EXOC6B: variants seen among roughly 807,000 people sequenced by gnomAD.
The protein encoded by EXOC6B is exocyst complex component 6B, also known as SEC15 homolog B.
EXOC6B carries 54 observed loss-of-function variants against 113.5 expected under a neutral mutation model. The ratio of observed to expected loss-of-function variants is 0.48; its 90% CI spans 0.38 to 0.60. The LOEUF (loss-of-function observed/expected upper bound fraction) is 0.60, where lower values mean the gene tolerates loss of function less well. Ranked by LOEUF, EXOC6B falls within the 20% of genes least tolerant of loss-of-function variation. The probability of loss-of-function intolerance (pLI) is 0.00; values close to 1 mark genes in which losing one functional copy is unlikely to be tolerated. For missense variants in EXOC6B, 797 were observed against 977.5 expected (o/e 0.82, Z 2.46); for synonymous variants, 357 against 339.0 (o/e 1.05, Z -0.58).
At chr2:72,497,846 T>C (rs1018388180) in intron 13 of EXOC6B, among the ~76,000 whole-genome samples, 2 of 152,202 alleles carry the variant, frequency 1.3e-5, no homozygotes, top group Non-Finnish European at 2.9e-5. Flanking sequence ...ACCTGGATTA[T>C]GTGCCAAGAG....
intron 18 of EXOC6B, among the ~76,000 whole-genome samples, chr2:72,387,175 T>C (rs181477182): frequency 1.8e-4 from 27 of 152,316 alleles, no homozygotes; most frequent in Non-Finnish European, 1.5e-5. Flanking sequence ...ATATAACTTA[T>C]ACAATACACC....
chr2:72,311,370 T>A (rs1286094267), intron 20 of EXOC6B, among the ~76,000 whole-genome samples: 1 of 152,186 alleles, frequency 6.6e-6, no homozygotes, highest in Non-Finnish European at 1.5e-5. Flanking sequence ...GGCTGCCAGT[T>A]GAGGATCATT....
At position 72,522,162 on chromosome 2, in the gene EXOC6B, C is replaced by T. The variant is rs114507848; in HGVS notation, c.916-7036G>A. Among the ~76,000 whole-genome samples, 947 of 152,226 alleles carry T rather than the reference C, an allele frequency of 6.2e-3. 9 individuals carry two copies. Among genetic ancestry groups the T allele is most frequent in the Non-Finnish European group, 0.01 (685 of 68,006 alleles). On this transcript the variant is annotated intron_variant, in intron 8 of 21. Coordinates refer to ENST00000272427, the MANE Select transcript of EXOC6B (RefSeq NM_015189.3). ...TAACCACAGCACATATCCTATATTTCCTTAGTGGCCAAACAAGAGAAAAAA... is the reference window on the plus strand; with the variant it reads ...TAACCACAGCACATATCCTATATTTTCTTAGTGGCCAAACAAGAGAAAAAA...
intron 20 of EXOC6B, among the ~76,000 whole-genome samples, chr2:72,217,002 C>T (rs985777284): frequency 4.7e-5 from 7 of 148,424 alleles, no homozygotes; most frequent in East Asian, 2.0e-4. Flanking sequence ...GATCACACCA[C>T]GGCACTCCAT....
intron 18 of EXOC6B, among the ~76,000 whole-genome samples, chr2:72,459,642 T>G (rs1467493707): frequency 2.6e-5 from 4 of 152,034 alleles, no homozygotes; most frequent in African/African-American, 9.7e-5. Flanking sequence ...GGAATCCAAC[T>G]TACAAGGGAT....
rs978662294 is a variant in EXOC6B at position 72,817,164 on chromosome 2, A to T, written c.113+8634T>A. On this transcript the variant is annotated intron_variant, in intron 1 of 21. Transcript: ENST00000272427. ...AAATGTTAAGCTTTATTTATATAACATGCACTCAGATCATAATGCTTTCAT... is the reference window on the plus strand; with the variant it reads ...AAATGTTAAGCTTTATTTATATAACTTGCACTCAGATCATAATGCTTTCAT... Among the ~76,000 whole-genome samples, 3 of 152,206 alleles carry T rather than the reference A, an allele frequency of 2.0e-5. No individual in the cohort carries two copies. In the East Asian group the frequency reaches 5.8e-4, roughly 29 times the overall value.
intron 6 of EXOC6B, among the ~76,000 whole-genome samples, chr2:72,666,977 C>T (rs1020685092): frequency 1.3e-5 from 2 of 152,120 alleles, no homozygotes; most frequent in African/African-American, 4.8e-5. Context: ...ATTCTCCTGC[C>T]TCAGCCTCCC....
chr2:72,286,077 T>C (rs985198535), intron 20 of EXOC6B, among the ~76,000 whole-genome samples: 1 of 152,180 alleles, frequency 6.6e-6, no homozygotes, highest in African/African-American at 2.4e-5. Context: ...GGAAGACAAA[T>C]AGTTTGGTGG....
chr2:72,367,562 G>A (rs1056107379), intron 19 of EXOC6B, among the ~76,000 whole-genome samples: 1 of 151,870 alleles, frequency 6.6e-6, no homozygotes, highest in African/African-American at 2.4e-5. Flanking sequence ...GAAAACCACT[G>A]GCACAAGAAC....
At chr2:72,506,993 C>G (rs1700629412) in intron 11 of EXOC6B, among the ~76,000 whole-genome samples, 1 of 151,898 alleles carries the variant, frequency 6.6e-6, no homozygotes, top group Non-Finnish European at 1.5e-5. Flanking sequence ...GCTAAATTTA[C>G]TAAGTGAAGT....
chr2:72,612,737 ACT>A lies in EXOC6B; in HGVS notation c.670-37071_670-37070del, dbSNP rs1671151929. Among the ~76,000 whole-genome samples, 3 of 152,308 alleles carry A rather than the reference ACT, an allele frequency of 2.0e-5. No individual in the cohort carries two copies. In the South Asian group the frequency reaches 6.2e-4, roughly 32 times the overall value. ...CCTGGGACCCAACTAGCATCATACT[ACT>A]GCTTCATCAGCCCTAGATGACTGCC... On this transcript the variant is annotated intron_variant, in intron 6 of 21. Coordinates refer to ENST00000272427, the MANE Select transcript of EXOC6B (RefSeq NM_015189.3).
intron 1 of EXOC6B, among the ~76,000 whole-genome samples, chr2:72,801,029 A>G (rs1432152574): frequency 1.3e-5 from 2 of 152,216 alleles, no homozygotes; most frequent in Admixed American, 1.3e-4. Flanking sequence ...ATTAAAGTGC[A>G]TTACAGTGCT....
At chr2:72,211,962 T>A (rs1281164987) in intron 20 of EXOC6B, among the ~76,000 whole-genome samples, 1 of 152,040 alleles carries the variant, frequency 6.6e-6, no homozygotes, top group East Asian at 1.9e-4. Flanking sequence ...CTCACTGCTC[T>A]AATGAGCCAT....
At position 72,178,778 on chromosome 2, in the gene EXOC6B, A is replaced by G. The variant is rs2104183328; in HGVS notation, c.*557T>C. 6.6e-6 allele frequency: 1 copy of G among 152,506 alleles called. No individual in the cohort carries two copies. The highest frequency in any genetic ancestry group is 2.4e-5 in the African/African-American group (1 of 41,572). 9.4% of individuals were successfully genotyped at this position (152,506 alleles called of 1,614,324 possible). A position where few individuals can be genotyped will look rare whatever the true frequency, so the allele number is the denominator to read the frequency against. The stretch of plus-strand genomic sequence containing the variant: ...ATTGGAATGAAGCTGTCATCTTGCC[A>G]TATGCCATGCTTGTTCACAAGCCAG... On this transcript the variant is annotated 3_prime_UTR_variant, in exon 22 of 22. Transcript: ENST00000272427.
At chr2:72,252,807 C>T (rs902749340) in intron 20 of EXOC6B, among the ~76,000 whole-genome samples, 1 of 152,148 alleles carries the variant, frequency 6.6e-6, no homozygotes, top group African/African-American at 2.4e-5. Flanking sequence ...GTGCCCCAGC[C>T]CTCAGCATCA....
At position 72,551,037 on chromosome 2, in the gene EXOC6B, T is replaced by C. The variant is rs544585238; in HGVS notation, c.915+8416A>G. 6.6e-5 allele frequency among the ~76,000 whole-genome samples: 10 copies of C among 151,952 alleles called. No individual in the cohort carries two copies. In the South Asian group the frequency reaches 1.9e-3, roughly 28 times the overall value. Reference sequence around the variant, plus strand: ...CAATTATGCATGCAAGTGACTGAGTTAGGCACTATTTATTCAATTTATTAA... The same window carrying C: ...CAATTATGCATGCAAGTGACTGAGTCAGGCACTATTTATTCAATTTATTAA... On this transcript the variant is annotated intron_variant, in intron 8 of 21. Transcript: ENST00000272427.
intron 1 of EXOC6B, among the ~76,000 whole-genome samples, chr2:72,761,552 A>C (rs114819227): frequency 0.016 from 2,476 of 152,272 alleles, 91 homozygotes; most frequent in African/African-American, 0.057. Context: ...AGATCAAACT[A>C]AAATAGACTT....
intron 20 of EXOC6B, among the ~76,000 whole-genome samples, chr2:72,306,857 G>C (rs1003651311): frequency 6.6e-6 from 1 of 152,124 alleles, no homozygotes; most frequent in Admixed American, 6.5e-5. Flanking sequence ...CTAATTACTA[G>C]TCATACATTT....
intron 18 of EXOC6B, among the ~76,000 whole-genome samples, chr2:72,455,937 A>C (rs1347050351): frequency 1.3e-5 from 2 of 152,076 alleles, no homozygotes; most frequent in East Asian, 3.9e-4. Flanking sequence ...AGACAGCTTG[A>C]TATAGTGAAA....
Sources: allele counts gnomAD v4.1 joint callset (sites outside exome capture counted in the v4.1 genomes callset), GRCh38; gene constraint gnomAD v4.1.1; transcripts MANE v1.5; gene names NCBI Gene and HGNC (gene_info 2026-07-23, HGNC 2026-07-21).